LMBR1: variants seen among roughly 807,000 people sequenced by gnomAD.
LMBR1 encodes limb region 1 protein homolog.
Under a neutral mutation model 73.9 loss-of-function variants are expected in LMBR1, and 52 were observed. The observed-to-expected ratio is 0.70, with a 90% CI of 0.56 to 0.89. The LOEUF (loss-of-function observed/expected upper bound fraction) is 0.89. Among genes scored for constraint, LMBR1 ranks in the 40% least tolerant of loss-of-function variants. The probability of loss-of-function intolerance (pLI) is 0.00; values close to 1 mark genes in which losing one functional copy is unlikely to be tolerated. For synonymous variants in LMBR1, 215 were observed against 209.4 expected (o/e 1.03, Z -0.23); for missense variants, 539 against 579.8 (o/e 0.93, Z 0.72).
At chr7:156,818,862 T>C (rs1834331392) in intron 4 of LMBR1, among the ~76,000 whole-genome samples, 4 of 152,236 alleles carry the variant, frequency 2.6e-5, no homozygotes, top group Admixed American at 2.6e-4. Context: ...CTTTTTCCTA[T>C]TTTAACAACA....
intron 8 of LMBR1, among the ~76,000 whole-genome samples, chr7:156,761,693 T>C (rs759679281): frequency 2.6e-5 from 4 of 152,082 alleles, no homozygotes; most frequent in Non-Finnish European, 4.4e-5. Context: ...AAAAACTTAA[T>C]AGGCCAAGTG....
intron 5 of LMBR1, among the ~76,000 whole-genome samples, chr7:156,774,848 G>C (rs1825843805): frequency 6.6e-6 from 1 of 152,000 alleles, no homozygotes. Context: ...AAAGGAATGA[G>C]ATCATGTCTT....
At chr7:156,780,048 C>A (rs1235823376) in intron 5 of LMBR1, among the ~76,000 whole-genome samples, 1 of 152,180 alleles carries the variant, frequency 6.6e-6, no homozygotes, top group Non-Finnish European at 1.5e-5. Flanking sequence ...TCAAACATTT[C>A]TCCCTTTGCT....
At chr7:156,718,245 C>T (rs1813657309) in intron 15 of LMBR1, among the ~76,000 whole-genome samples, 2 of 151,144 alleles carry the variant, frequency 1.3e-5, no homozygotes, top group Non-Finnish European at 2.9e-5. Flanking sequence ...ACTAAAAATA[C>T]AAAAATTAGC....
chr7:156,803,017 C>T (rs1032601096), intron 4 of LMBR1, among the ~76,000 whole-genome samples: 2 of 152,174 alleles, frequency 1.3e-5, no homozygotes, highest in Non-Finnish European at 2.9e-5. Flanking sequence ...GGATTAAAGA[C>T]TTACATGTTA....
chr7:156,784,201 T>G (rs147481927), intron 5 of LMBR1, among the ~76,000 whole-genome samples: 131 of 152,330 alleles, frequency 8.6e-4, no homozygotes, highest in African/African-American at 3.0e-3. Context: ...TACTAACTCT[T>G]TGAGTAATAC....
At chr7:156,883,974 G>A (rs1306622007) in intron 1 of LMBR1, among the ~76,000 whole-genome samples, 1 of 152,200 alleles carries the variant, frequency 6.6e-6, no homozygotes, top group African/African-American at 2.4e-5. Context: ...AACTTCAGGG[G>A]CCATTATGCT....
intron 15 of LMBR1, among the ~76,000 whole-genome samples, chr7:156,692,151 C>G (rs965580532): frequency 5.9e-5 from 9 of 152,178 alleles, no homozygotes; most frequent in Non-Finnish European, 1.3e-4. Flanking sequence ...TCTCAGCTCA[C>G]TGCAACCCAA....
At chr7:156,815,317 T>A (rs1033473961) in intron 4 of LMBR1, among the ~76,000 whole-genome samples, 23 of 151,782 alleles carry the variant, frequency 1.5e-4, no homozygotes, top group Admixed American at 3.3e-4. Context: ...AAAAAAAAAA[T>A]TTAACCAGCA....
At chr7:156,863,145 T>C (rs1797964801) in intron 1 of LMBR1, among the ~76,000 whole-genome samples, 2 of 152,092 alleles carry the variant, frequency 1.3e-5, no homozygotes, top group Admixed American at 6.6e-5. Context: ...GATATATATA[T>C]ATAAAGGGGA....
chr7:156,796,241 G>A (rs1339032361), intron 5 of LMBR1, 148 bp downstream of exon 5: 3 of 588,194 alleles, frequency 5.1e-6, no homozygotes, highest in South Asian at 1.9e-5. Context: ...CAGAATTACT[G>A]TTATTGTTAA....
chr7:156,745,050 T>C (rs1163274738), intron 9 of LMBR1, among the ~76,000 whole-genome samples: 1 of 152,210 alleles, frequency 6.6e-6, no homozygotes, highest in African/African-American at 2.4e-5. Flanking sequence ...CTTCATCCCA[T>C]ATGCAAAGTC....
intron 15 of LMBR1, among the ~76,000 whole-genome samples, chr7:156,703,354 G>T (rs1192786582): frequency 6.6e-6 from 1 of 152,172 alleles, no homozygotes; most frequent in African/African-American, 2.4e-5. Context: ...AGCCCAACTG[G>T]CACAGGAACC....
chr7:156,672,154 A>G (rs1802687100), intron 4 of LMBR1, among the ~76,000 whole-genome samples: 1 of 152,210 alleles, frequency 6.6e-6, no homozygotes, highest in Non-Finnish European at 1.5e-5. Flanking sequence ...TTAAGACTGG[A>G]GCACTAAGTG....
chr7:156,818,337 C>T (rs1214622223), intron 4 of LMBR1, among the ~76,000 whole-genome samples: 1 of 152,170 alleles, frequency 6.6e-6, no homozygotes, highest in Non-Finnish European at 1.5e-5. Context: ...TTGTCGGATT[C>T]ATTGTGGTTA....
At chr7:156,708,097 T>C (rs909490759) in intron 15 of LMBR1, among the ~76,000 whole-genome samples, 1 of 148,206 alleles carries the variant, frequency 6.7e-6, no homozygotes, top group Non-Finnish European at 1.5e-5. Context: ...CCATTTACAA[T>C]AGCCAGAAAA....
At chr7:156,749,090 G>A (rs530914919) in intron 9 of LMBR1, among the ~76,000 whole-genome samples, 31 of 152,174 alleles carry the variant, frequency 2.0e-4, no homozygotes, top group Non-Finnish European at 2.5e-4. Context: ...TCACTTTCAC[G>A]CTAATACCAG....
chr7:156,855,945 G>C (rs115423070), intron 1 of LMBR1, among the ~76,000 whole-genome samples: 2,735 of 152,130 alleles, frequency 0.018, 85 homozygotes, highest in African/African-American at 0.062. Context: ...AAATAAAGGA[G>C]AGCACTTTGG....
At chr7:156,758,461 A>T (rs534778587) in intron 8 of LMBR1, among the ~76,000 whole-genome samples, 100 of 152,314 alleles carry the variant, frequency 6.6e-4, no homozygotes, top group Non-Finnish European at 1.0e-3. Flanking sequence ...TTGAAATCTG[A>T]TCCCCAGTAT....
Sources: allele counts gnomAD v4.1 joint callset (sites outside exome capture counted in the v4.1 genomes callset), GRCh38; gene constraint gnomAD v4.1.1; transcripts MANE v1.5; gene names NCBI Gene and HGNC (gene_info 2026-07-23, HGNC 2026-07-21).